The following TADA2A variants were observed in gnomAD, a reference collection of about 807,000 sequenced individuals.
TADA2A encodes transcriptional adapter 2-alpha.
In TADA2A, 38 loss-of-function variants were observed where a neutral mutation model predicts 67.4. That is an observed-to-expected ratio of 0.56 (90% CI 0.44 to 0.74). The LOEUF is 0.74. TADA2A is among the 30% of genes least tolerant of loss of function. The pLI, the probability that TADA2A is intolerant of heterozygous loss-of-function variation, is 0.00. For missense variants in TADA2A, 454 were observed against 547.0 expected (o/e 0.83, Z 1.70); for synonymous variants, 192 against 181.6 (o/e 1.06, Z -0.46).
At position 37,407,059 on chromosome 17, in the gene TADA2A, C is replaced by A; in HGVS notation, c.-98+110C>A. ...CCACGAGGTGCGGCGGGGGAGGAGTCGCGGGCTGCGGGCCCCGGCGGCGGG... is the reference window on the plus strand; with the variant it reads ...CCACGAGGTGCGGCGGGGGAGGAGTAGCGGGCTGCGGGCCCCGGCGGCGGG... On this transcript the variant is annotated intron_variant, in intron 1 of 15. Transcript: ENST00000615182. 3 of 139,234 alleles carry A rather than the reference C, an allele frequency of 2.2e-5. No individual in the cohort carries two copies. In the South Asian group the frequency reaches 5.8e-4, roughly 27 times the overall value. The allele number at this position is 139,234 out of a possible 1,614,324, so 8.6% of individuals were successfully genotyped here. A position where few individuals can be genotyped will look rare whatever the true frequency, so the allele number is the denominator to read the frequency against.
chr17:37,473,253 G>T (rs138943531), intron 14 of TADA2A, among the ~76,000 whole-genome samples: 77 of 150,028 alleles, frequency 5.1e-4, no homozygotes, highest in African/African-American at 1.9e-3. Context: ...GATTACAGGT[G>T]TGAGCCTCTG....
chr17:37,441,819 A>T (rs972025845), intron 6 of TADA2A, among the ~76,000 whole-genome samples: 6 of 152,036 alleles, frequency 3.9e-5, no homozygotes, highest in African/African-American at 1.4e-4. Flanking sequence ...GGTGCATGCC[A>T]CCACACCTGG....
At chr17:37,441,118 C>T (rs950297622) in intron 6 of TADA2A, among the ~76,000 whole-genome samples, 4 of 150,014 alleles carry the variant, frequency 2.7e-5, no homozygotes, top group African/African-American at 9.8e-5. Flanking sequence ...AAAAAAGAGT[C>T]AGGATTATAA....
At position 37,466,560 on chromosome 17, in the gene TADA2A, T is replaced by TA. The variant is rs534306150; in HGVS notation, c.824-893dup. 3.3e-5 allele frequency among the ~76,000 whole-genome samples: 5 copies of TA among 152,356 alleles called. No homozygotes were observed. In the South Asian group the frequency reaches 8.3e-4, roughly 25 times the overall value. ...TGGGAAGGTAGTCTACTAAGGCCCTTATTCTCACCGTGAAAATATTTCTTA... is the reference window on the plus strand; with the variant it reads ...TGGGAAGGTAGTCTACTAAGGCCCTTAATTCTCACCGTGAAAATATTTCTTA... On this transcript the variant is annotated intron_variant, in intron 11 of 15. Coordinates refer to ENST00000615182, the MANE Select transcript of TADA2A (RefSeq NM_001166105.3).
At chr17:37,417,177 C>G (rs1372971383) in intron 2 of TADA2A, among the ~76,000 whole-genome samples, 1 of 150,896 alleles carries the variant, frequency 6.6e-6, no homozygotes, top group Non-Finnish European at 1.5e-5. Context: ...GTCAGGAGTT[C>G]GAGACCAGCC....
At chr17:37,429,230 A>G (rs1439842075) in intron 4 of TADA2A, among the ~76,000 whole-genome samples, 1 of 151,938 alleles carries the variant, frequency 6.6e-6, no homozygotes. Context: ...GTGAGCCACC[A>G]CAGCAGGCAC....
intron 4 of TADA2A, among the ~76,000 whole-genome samples, chr17:37,428,772 C>G (rs2147938840): frequency 6.6e-6 from 1 of 152,204 alleles, no homozygotes; most frequent in Admixed American, 6.5e-5. Flanking sequence ...GTAGGCCAGG[C>G]TTGGTGGCTC....
chr17:37,456,644 A>G (rs1385943755), intron 8 of TADA2A, among the ~76,000 whole-genome samples: 3 of 152,216 alleles, frequency 2.0e-5, no homozygotes, highest in Admixed American at 6.5e-5. Context: ...AGAGGATAGG[A>G]AAGGGGTAGA....
intron 9 of TADA2A, among the ~76,000 whole-genome samples, chr17:37,461,390 A>G (rs1000730658): frequency 6.6e-6 from 1 of 152,206 alleles, no homozygotes; most frequent in South Asian, 2.1e-4. Flanking sequence ...GTTAGCTTCC[A>G]TGAAATGCTG....
At chr17:37,429,379 G>A (rs1420301124) in intron 4 of TADA2A, among the ~76,000 whole-genome samples, 1 of 152,086 alleles carries the variant, frequency 6.6e-6, no homozygotes, top group African/African-American at 2.4e-5. Flanking sequence ...CCTCGCTAGT[G>A]TTTGATGGAC....
At chr17:37,408,053 T>A in intron 1 of TADA2A, 1 of 151,540 alleles carries the variant, frequency 6.6e-6, no homozygotes, top group Non-Finnish European at 1.5e-5. Context: ...CACCTGGCTA[T>A]TTTTTGTATT....
At chr17:37,451,281 C>T (rs553384898) in intron 8 of TADA2A, among the ~76,000 whole-genome samples, 110 of 152,002 alleles carry the variant, frequency 7.2e-4, no homozygotes, top group African/African-American at 2.6e-3. Context: ...GATCCTCCCA[C>T]CTCAGCCTCC....
intron 4 of TADA2A, among the ~76,000 whole-genome samples, chr17:37,435,252 C>T (rs1018931977): frequency 3.9e-5 from 6 of 152,056 alleles, no homozygotes; most frequent in South Asian, 2.1e-4. Flanking sequence ...AATTTAAATA[C>T]GAGACTACAA....
intron 11 of TADA2A, among the ~76,000 whole-genome samples, chr17:37,467,176 A>G (rs1290101203): frequency 6.6e-6 from 1 of 152,156 alleles, no homozygotes; most frequent in East Asian, 1.9e-4. Flanking sequence ...AAAAATTGTT[A>G]CTTTTGTAGA....
intron 9 of TADA2A, among the ~76,000 whole-genome samples, chr17:37,459,911 CA>C (rs1310793690): frequency 1.3e-5 from 2 of 149,590 alleles, no homozygotes; most frequent in Non-Finnish European, 3.0e-5. Context: ...ACTAAAAATA[CA>C]AAAATTAGCT....
At chr17:37,412,738 A>G (rs930344898) in intron 2 of TADA2A, among the ~76,000 whole-genome samples, 15 of 151,556 alleles carry the variant, frequency 9.9e-5, no homozygotes, top group Non-Finnish European at 1.8e-4. Flanking sequence ...AACCAAGATC[A>G]TGCCACTGCA....
chr17:37,458,919 C>T (rs1414726787), intron 9 of TADA2A, among the ~76,000 whole-genome samples: 2 of 151,978 alleles, frequency 1.3e-5, no homozygotes, highest in Non-Finnish European at 2.9e-5. Flanking sequence ...CTTAAGTGAT[C>T]CTCCCTCCTC....
In TADA2A at chr17:37,411,347, A is replaced by C; in HGVS notation, c.-19A>C. On this transcript the variant is annotated 5_prime_UTR_variant, in exon 2 of 16. Coordinates refer to ENST00000615182, the MANE Select transcript of TADA2A (RefSeq NM_001166105.3). ...CTCTGCTGAGGAAGACCAAAGCAGC[A>C]CTCGTTGCCAATTAGGGAATGGACC... 6.2e-7 allele frequency: 1 copy of C among 1,613,854 alleles called. No individual in the cohort carries two copies. The highest frequency in any genetic ancestry group is 8.5e-7 in the Non-Finnish European group (1 of 1,179,810).
chr17:37,442,533 G>A, intron 6 of TADA2A, 31 bp from the exon 7 acceptor site: 1 of 1,563,602 alleles, frequency 6.4e-7, no homozygotes, highest in Non-Finnish European at 8.8e-7. Flanking sequence ...TATTGTATTA[G>A]TTAACTCAGA....
Sources: allele counts gnomAD v4.1 joint callset (sites outside exome capture counted in the v4.1 genomes callset), GRCh38; gene constraint gnomAD v4.1.1; transcripts MANE v1.5; gene names NCBI Gene and HGNC (gene_info 2026-07-23, HGNC 2026-07-21).